ADCK1: variants seen among roughly 807,000 people sequenced by gnomAD.
The protein encoded by ADCK1 is aarF domain containing kinase 1.
ADCK1 carries 41 observed loss-of-function variants against 52.3 expected under a neutral mutation model. The observed-to-expected ratio is 0.78, with a 90% CI of 0.61 to 1.02. The LOEUF is 1.02. ADCK1 is among the 50% of genes least tolerant of loss of function. The pLI is 0.00. For synonymous variants in ADCK1, 250 were observed against 274.6 expected (o/e 0.91, Z 0.89); for missense variants, 658 against 679.5 (o/e 0.97, Z 0.35).
chr14:77,887,938 C>T (rs891815196), intron 5 of ADCK1, among the ~76,000 whole-genome samples: 1 of 152,204 alleles, frequency 6.6e-6, no homozygotes, highest in Admixed American at 6.5e-5. Context: ...GCTCCCCTTC[C>T]TCACTCTGGA....
chr14:77,858,442 A>C (rs377308192), intron 3 of ADCK1, among the ~76,000 whole-genome samples: 1 of 152,126 alleles, frequency 6.6e-6, no homozygotes, highest in Non-Finnish European at 1.5e-5. Context: ...GGGTTTCACC[A>C]TCTTGGCCAG....
chr14:77,900,082 A>AAAG (rs750121601), intron 6 of ADCK1, among the ~76,000 whole-genome samples: 49,470 of 110,206 alleles, frequency 0.45, 9,502 homozygotes, highest in Admixed American at 0.56. Flanking sequence ...AAAAAAAAAA[A>AAAG]AAAGAAAATT....
At chr14:77,805,243 C>A (rs1241100662) in intron 1 of ADCK1, among the ~76,000 whole-genome samples, 1 of 118,430 alleles carries the variant, frequency 8.4e-6, no homozygotes, top group South Asian at 2.9e-4. Flanking sequence ...TCATTTTTGG[C>A]TTTGCATTCT....
intron 3 of ADCK1, among the ~76,000 whole-genome samples, chr14:77,844,392 T>A (rs557524352): frequency 1.5e-4 from 23 of 152,294 alleles, no homozygotes; most frequent in Admixed American, 7.8e-4. Flanking sequence ...GATCATAATT[T>A]CTTATGTTAC....
chr14:77,891,560 C>T (rs113056963), intron 5 of ADCK1, among the ~76,000 whole-genome samples: 360 of 152,310 alleles, frequency 2.4e-3, no homozygotes, highest in Admixed American at 3.3e-3. Flanking sequence ...GCATCTTCCT[C>T]CCTGAGATAA....
At chr14:77,817,856 C>A (rs560819334) in intron 1 of ADCK1, among the ~76,000 whole-genome samples, 10 of 152,150 alleles carry the variant, frequency 6.6e-5, no homozygotes, top group Admixed American at 2.0e-4. Flanking sequence ...CTGCCTTAGC[C>A]TCCCGAGTAG....
At chr14:77,818,656 G>A (rs1156701561) in intron 1 of ADCK1, among the ~76,000 whole-genome samples, 1 of 152,108 alleles carries the variant, frequency 6.6e-6, no homozygotes, top group Non-Finnish European at 1.5e-5. Context: ...AGCTCCAAGT[G>A]GGCAAGAACT....
intron 3 of ADCK1, among the ~76,000 whole-genome samples, chr14:77,857,221 G>C (rs1406522989): frequency 6.6e-6 from 1 of 152,162 alleles, no homozygotes; most frequent in East Asian, 1.9e-4. Flanking sequence ...GCCGAGGTGG[G>C]TGGATTGCTT....
intron 4 of ADCK1, among the ~76,000 whole-genome samples, chr14:77,868,257 TTGG>T (rs2082704015): frequency 6.6e-6 from 1 of 152,086 alleles, no homozygotes; most frequent in Admixed American, 6.5e-5. Context: ...ACACAACTGG[TTGG>T]TGGTAGAAAC....
At chr14:77,916,887 C>T (rs983966677) in intron 7 of ADCK1, among the ~76,000 whole-genome samples, 1 of 152,202 alleles carries the variant, frequency 6.6e-6, no homozygotes, top group African/African-American at 2.4e-5. Flanking sequence ...GCTTACAAAT[C>T]CCAAAGGTGG....
chr14:77,909,087 T>A (rs958453428), intron 7 of ADCK1, among the ~76,000 whole-genome samples: 7 of 148,910 alleles, frequency 4.7e-5, no homozygotes, highest in Admixed American at 4.0e-4. Flanking sequence ...CCCTCTGGGA[T>A]GGAAGGAAGG....
At chr14:77,859,000 C>A in intron 3 of ADCK1, 76 bp from the exon 4 acceptor site, 1 of 1,381,562 alleles carries the variant, frequency 7.2e-7, no homozygotes, top group Non-Finnish European at 9.8e-7. Context: ...TCAAGCAGAG[C>A]AGGAAGGTGA....
chr14:77,921,338 AAAAAAAAAAAG>A (rs1416609997), intron 7 of ADCK1, among the ~76,000 whole-genome samples: 5 of 144,774 alleles, frequency 3.5e-5, no homozygotes, highest in Non-Finnish European at 7.4e-5. Flanking sequence ...AAAAAAAAAA[AAAAAAAAAAAG>A]AAAAAAAAGT....
intron 6 of ADCK1, among the ~76,000 whole-genome samples, chr14:77,901,045 C>CTTT (rs34756369): frequency 3.7e-5 from 5 of 134,112 alleles, no homozygotes; most frequent in African/African-American, 5.5e-5. Context: ...AGTTGGTGTT[C>CTTT]TTTTTTTTTT....
intron 3 of ADCK1, among the ~76,000 whole-genome samples, chr14:77,829,195 C>A (rs923105364): frequency 1.3e-5 from 2 of 151,126 alleles, no homozygotes; most frequent in Non-Finnish European, 3.0e-5. Context: ...ACTGGGGTAC[C>A]ATTGCTTCTA....
intron 3 of ADCK1, among the ~76,000 whole-genome samples, chr14:77,833,590 A>G (rs1271305980): frequency 6.6e-6 from 1 of 152,192 alleles, no homozygotes; most frequent in East Asian, 1.9e-4. Context: ...TGAATACTGC[A>G]TCGAAATCTG....
At chr14:77,839,227 G>A (rs1382030081) in intron 3 of ADCK1, among the ~76,000 whole-genome samples, 1 of 152,234 alleles carries the variant, frequency 6.6e-6, no homozygotes. Context: ...GGACTAGCAA[G>A]TGAAGGGCTG....
chr14:77,928,528 C>T (rs1165145609), intron 9 of ADCK1, among the ~76,000 whole-genome samples: 1 of 151,008 alleles, frequency 6.6e-6, no homozygotes, highest in African/African-American at 2.4e-5. Context: ...GTGGCACAAT[C>T]TTGGCTCACT....
chr14:77,823,139 G>T (rs2081617043), intron 3 of ADCK1, among the ~76,000 whole-genome samples: 1 of 152,178 alleles, frequency 6.6e-6, no homozygotes, highest in Admixed American at 6.6e-5. Flanking sequence ...ATGTTGATAT[G>T]TGTTTAGATA....
Sources: allele counts gnomAD v4.1 joint callset (sites outside exome capture counted in the v4.1 genomes callset), GRCh38; gene constraint gnomAD v4.1.1; transcripts MANE v1.5; gene names NCBI Gene and HGNC (gene_info 2026-07-23, HGNC 2026-07-21).